CSMD1: variants seen among roughly 807,000 people sequenced by gnomAD.
The protein encoded by CSMD1 is CUB and sushi domain-containing protein 1.
Under a neutral mutation model 417.5 loss-of-function variants are expected in CSMD1, and 213 were observed. That is an observed-to-expected ratio of 0.51 (90% confidence interval 0.46 to 0.57). The LOEUF is 0.57. Ranked by LOEUF, CSMD1 falls within the 20% of genes least tolerant of loss-of-function variation. The pLI, the probability that CSMD1 is intolerant of heterozygous loss-of-function variation, is 0.00. For synonymous variants in CSMD1, 2,862 were observed against 1,736.8 expected (o/e 1.65, Z -16.11); for missense variants, 6,923 against 4,529.7 (o/e 1.53, Z -15.17).
chr8:4,427,216 C>G (rs1399404999), intron 2 of CSMD1, among the ~76,000 whole-genome samples: 2 of 152,206 alleles, frequency 1.3e-5, no homozygotes, highest in African/African-American at 4.8e-5. Context: ...TTCCTGAGCC[C>G]AAGAGAGGCA....
intron 3 of CSMD1, among the ~76,000 whole-genome samples, chr8:4,088,518 C>T (rs962120152): frequency 6.6e-6 from 1 of 152,170 alleles, no homozygotes; most frequent in Non-Finnish European, 1.5e-5. Context: ...CAACCCATGT[C>T]ACTGGTTAGG....
At chr8:4,582,482 C>G (rs1235414802) in intron 2 of CSMD1, among the ~76,000 whole-genome samples, 1 of 152,176 alleles carries the variant, frequency 6.6e-6, no homozygotes, top group Non-Finnish European at 1.5e-5. Flanking sequence ...ACTCTTTCCT[C>G]CAGGCACCAG....
In CSMD1 at chr8:4,584,941, T is replaced by A. The variant is rs529610743; in HGVS notation, c.302+52401A>T. On this transcript the variant is annotated intron_variant, in intron 2 of 69. Coordinates refer to ENST00000635120, the MANE Select transcript of CSMD1 (RefSeq NM_033225.6). ...ACTGGATTAAGGAGATCAGCCCCAG[T>A]CTAACTGCCTGCCAGAAACAAAATA... Among the ~76,000 whole-genome samples the A allele has an allele frequency of 2.0e-4, 30 of 152,186 alleles. No homozygotes were observed. The East Asian group carries it at 5.8e-3, about 29-fold the overall frequency.
At chr8:4,788,241 A>G in intron 1 of CSMD1, 2 of 1,587,446 alleles carry the variant, frequency 1.3e-6, no homozygotes, top group Non-Finnish European at 1.7e-6. Context: ...TGAAACTCTG[A>G]GGGTTAAAGC....
At chr8:3,025,780 G>GA (rs760377754) in intron 51 of CSMD1, among the ~76,000 whole-genome samples, 13 of 152,144 alleles carry the variant, frequency 8.5e-5, no homozygotes, top group Non-Finnish European at 1.9e-4. Context: ...TGCTTTGTTT[G>GA]AAAATGAATC....
Position 3,548,659 on chromosome 8 carries a change from T to TACACACACACAC in CSMD1, c.1344+26274_1344+26285dup, listed in dbSNP as rs146360407. On this transcript the variant is annotated intron_variant, in intron 10 of 69. Coordinates refer to ENST00000635120, the MANE Select transcript of CSMD1 (RefSeq NM_033225.6). ...TTCACGGCTGAGTGGTATTCCATCA[T>TACACACACACAC]ACACACACACACACACACACACACA... 1.5e-3 allele frequency among the ~76,000 whole-genome samples: 204 copies of TACACACACACAC among 133,104 alleles called. 2 individuals are homozygous for TACACACACACAC. Among genetic ancestry groups the TACACACACACAC allele is most frequent in the African/African-American group, 3.7e-3 (127 of 34,284 alleles). 87.3% of individuals were successfully genotyped at this position (133,104 alleles called of 152,430 possible).
At chr8:4,741,763 C>A (rs575482850) in intron 1 of CSMD1, among the ~76,000 whole-genome samples, 33 of 152,090 alleles carry the variant, frequency 2.2e-4, no homozygotes, top group Non-Finnish European at 4.1e-4. Flanking sequence ...CAGGCCCCAA[C>A]CCAGACCTGC....
chr8:3,826,868 C>A (rs1416662029), intron 5 of CSMD1, among the ~76,000 whole-genome samples: 1 of 152,130 alleles, frequency 6.6e-6, no homozygotes, highest in African/African-American at 2.4e-5. Context: ...CTCACTGCAG[C>A]ATCGGCCTCC....
intron 2 of CSMD1, among the ~76,000 whole-genome samples, chr8:4,451,975 TATAC>T (rs1459965867): frequency 6.7e-6 from 1 of 149,116 alleles, no homozygotes; most frequent in African/African-American, 2.4e-5. Context: ...TATAATTTGA[TATAC>T]ATATAGTTTG....
intron 2 of CSMD1, among the ~76,000 whole-genome samples, chr8:4,575,108 G>T (rs1013132840): frequency 6.6e-6 from 1 of 152,216 alleles, no homozygotes; most frequent in East Asian, 1.9e-4. Flanking sequence ...AACATGTAAG[G>T]TGCATAGTTC....
chr8:3,567,432 TAAAATA>T (rs1288620866), intron 10 of CSMD1, among the ~76,000 whole-genome samples: 2 of 117,642 alleles, frequency 1.7e-5, no homozygotes, highest in African/African-American at 3.2e-5. Flanking sequence ...GTTTTAAAAA[TAAAATA>T]AAAATAAAAA....
At chr8:3,499,419 T>C (rs541936983) in intron 10 of CSMD1, among the ~76,000 whole-genome samples, 5 of 152,260 alleles carry the variant, frequency 3.3e-5, no homozygotes, top group South Asian at 2.1e-4. Context: ...ATGAGTTTTC[T>C]GGCAGTGGTT....
At chr8:3,275,163 T>G (rs13278713) in intron 26 of CSMD1, among the ~76,000 whole-genome samples, 34,940 of 152,046 alleles carry the variant, frequency 0.23, 4,183 homozygotes, top group East Asian at 0.31. Flanking sequence ...GTCTGTAAAG[T>G]ATTTTATTTC....
chr8:4,765,507 T>C (rs1196992251), intron 1 of CSMD1, among the ~76,000 whole-genome samples: 1 of 152,216 alleles, frequency 6.6e-6, no homozygotes, highest in Admixed American at 6.5e-5. Context: ...TTTAAAATTA[T>C]ACTGCTGGGA....
rs1039465057 is a variant in CSMD1 at position 2,955,688 on chromosome 8, C to A, written c.9895G>T (p.Val3299Leu). 1.9e-6 allele frequency: 3 copies of A among 1,613,938 alleles called. No individual in the cohort carries two copies. Among genetic ancestry groups the A allele is most frequent in the Non-Finnish European group, 2.5e-6 (3 of 1,179,844 alleles). Residue 3299 changes from valine to leucine, a missense_variant, in exon 64 of 70, where the codon GTG becomes TTG. Physicochemically the swap from Val to Leu is conservative, Grantham distance 32 (BLOSUM62 1). Transcript: ENST00000635120. ...AAAAAGCCTGGATGGCAGGTGTACA[C>A]TAAGGTGTAGCCGAAAGTAGGAAGA... ...IDLPTFGYTL[V>L]YTCHPGFFLA...
intron 1 of CSMD1, among the ~76,000 whole-genome samples, chr8:4,992,043 C>T (rs1388164576): frequency 6.6e-6 from 1 of 152,174 alleles, no homozygotes; most frequent in African/African-American, 2.4e-5. Context: ...GGGCCTGGGA[C>T]CCTGGGCTCC....
intron 2 of CSMD1, among the ~76,000 whole-genome samples, chr8:4,457,322 A>G (rs777022785): frequency 9.1e-4 from 139 of 152,268 alleles, no homozygotes; most frequent in East Asian, 4.1e-3. Flanking sequence ...TTGAATTTGT[A>G]GAGTGCTTGG....
At chr8:2,946,582 C>T (rs946862378) in intron 68 of CSMD1, among the ~76,000 whole-genome samples, 3 of 152,158 alleles carry the variant, frequency 2.0e-5, no homozygotes, top group African/African-American at 4.8e-5. Context: ...TATTCTTCTT[C>T]AGTGCTGACT....
intron 46 of CSMD1, among the ~76,000 whole-genome samples, chr8:3,098,498 C>G (rs1425990794): frequency 6.6e-6 from 1 of 152,078 alleles, no homozygotes; most frequent in Non-Finnish European, 1.5e-5. Flanking sequence ...TCATAGAACT[C>G]TTTAAATAAC....
Sources: gnomAD v4.1 joint callset for allele counts (sites outside exome capture counted in the v4.1 genomes callset) on GRCh38, gnomAD v4.1.1 for gene constraint, MANE v1.5 for transcripts, NCBI Gene and HGNC (gene_info 2026-07-23, HGNC 2026-07-21) for gene names.